The following RUNX1 variants were observed in gnomAD, a reference collection of about 807,000 sequenced individuals.
RUNX1 encodes RUNX family transcription factor 1, also known as runt-related transcription factor 1.
A neutral mutation model predicts 42.8 loss-of-function variants in RUNX1; 19 were observed. That is an observed-to-expected ratio of 0.44 (90% CI 0.31 to 0.65). The LOEUF (loss-of-function observed/expected upper bound fraction) is 0.65. Ranked by LOEUF, RUNX1 falls within the 30% of genes least tolerant of loss-of-function variation. The pLI is 0.07. For synonymous variants in RUNX1, 271 were observed against 289.4 expected (o/e 0.94, Z 0.64); for missense variants, 528 against 672.0 (o/e 0.79, Z 2.37).
chr21:34,813,187 G>C (rs574736340), intron 7 of RUNX1, among the ~76,000 whole-genome samples: 2 of 152,228 alleles, frequency 1.3e-5, no homozygotes, highest in South Asian at 4.1e-4. Flanking sequence ...CATCTAGTAC[G>C]TGGAGGCCAG....
rs745930927 is a variant in RUNX1, at chr21:34,892,976, A to G, written c.59-13T>C. 1 of 1,554,996 alleles carries G rather than the reference A, an allele frequency of 6.4e-7. No homozygotes were observed. The highest frequency in any genetic ancestry group is 1.1e-5 in the South Asian group (1 of 89,080). On this transcript the variant is annotated splice_polypyrimidine_tract_variant and intron_variant, in intron 2 of 8. Coordinates refer to ENST00000675419, the MANE Select transcript of RUNX1 (RefSeq NM_001754.5). Reference sequence around the variant, plus strand: ...CCAAGTATGCATTCTGAAATAACAGAAAGTAGGAAAATAAAAGTAATGCAA... The same window carrying G: ...CCAAGTATGCATTCTGAAATAACAGGAAGTAGGAAAATAAAAGTAATGCAA...
Position 34,888,489 on chromosome 21 carries a change from GAAGA to G in RUNX1, c.98-1397_98-1394del. On this transcript the variant is annotated intron_variant, in intron 3 of 8. Transcript: ENST00000675419. ...GCCAAGAAGCCAGTTAATTCAAAAG[GAAGA>G]AAGGGGAAAAACAAAAAAAAACAAC... The G allele has an allele frequency of 2.8e-6, 3 of 1,066,102 alleles. No homozygotes were observed. The African/African-American group carries it at 4.9e-5, about 17-fold the overall frequency. 66.0% of individuals were successfully genotyped at this position (1,066,102 alleles called of 1,614,324 possible).
intron 6 of RUNX1, among the ~76,000 whole-genome samples, chr21:34,836,692 C>A (rs1189085929): frequency 6.6e-6 from 1 of 152,202 alleles, no homozygotes; most frequent in Non-Finnish European, 1.5e-5. Flanking sequence ...GCAAAGGCTG[C>A]CGGCAGGTTT....
intron 2 of RUNX1, among the ~76,000 whole-genome samples, chr21:34,920,740 G>T (rs2058347471): frequency 6.6e-6 from 1 of 151,982 alleles, no homozygotes; most frequent in Non-Finnish European, 1.5e-5. Flanking sequence ...TACTCACTAA[G>T]AAAGTCCTTT....
intron 4 of RUNX1, among the ~76,000 whole-genome samples, chr21:34,885,442 C>T (rs2146396052): frequency 6.6e-6 from 1 of 152,270 alleles, no homozygotes; most frequent in East Asian, 1.9e-4. Context: ...AAGCAAGCCA[C>T]CACGTTCCTT....
At chr21:34,922,173 G>C (rs1402658180) in intron 2 of RUNX1, among the ~76,000 whole-genome samples, 1 of 152,114 alleles carries the variant, frequency 6.6e-6, no homozygotes, top group African/African-American at 2.4e-5. Context: ...TGTAAGTGGG[G>C]GGCTCGAGGC....
At chr21:34,980,572 T>G (rs2058839468) in intron 2 of RUNX1, among the ~76,000 whole-genome samples, 1 of 152,226 alleles carries the variant, frequency 6.6e-6, no homozygotes, top group Non-Finnish European at 1.5e-5. Flanking sequence ...AATCAGTTGT[T>G]TGGATTTTCA....
At position 34,788,385 on chromosome 21, in the gene RUNX1, T is replaced by C. The variant is rs2056394573; in HGVS notation, c.*3750A>G. 1.3e-5 allele frequency: 3 copies of C among 233,082 alleles called. No individual in the cohort carries two copies. Among genetic ancestry groups the C allele is most frequent in the African/African-American group, 2.2e-5 (1 of 45,310 alleles). The allele number at this position is 233,082 out of a possible 1,614,324, so 14.4% of individuals were successfully genotyped here. A position where few individuals can be genotyped will look rare whatever the true frequency, so the allele number is the denominator to read the frequency against. ...TCTTTTTTTGCACATTCATTTCCCC[T>C]AGAACAAAAAAAGTGAACTTAAAAA... is the stretch of plus-strand genomic sequence containing the variant. On this transcript the variant is annotated 3_prime_UTR_variant, in exon 9 of 9. Coordinates refer to ENST00000675419, the MANE Select transcript of RUNX1 (RefSeq NM_001754.5).
intron 8 of RUNX1, among the ~76,000 whole-genome samples, chr21:34,794,241 T>G (rs895529497): frequency 6.6e-6 from 1 of 152,160 alleles, no homozygotes; most frequent in Non-Finnish European, 1.5e-5. Context: ...TTAGGTTGAA[T>G]GATAGAAAAT....
In RUNX1 at chr21:35,048,832, A is replaced by G. The variant is rs773170644; in HGVS notation, c.58+10T>C. On this transcript the variant is annotated intron_variant, in intron 2 of 8. Coordinates refer to ENST00000675419, the MANE Select transcript of RUNX1 (RefSeq NM_001754.5). The stretch of plus-strand genomic sequence containing the variant: ...CAAAAGTAGATATTACAAGACCAGC[A>G]TGTACTCACCTCTCATGAAGCACTG... 1 of 1,609,306 alleles carries G rather than the reference A, an allele frequency of 6.2e-7. No homozygotes were observed.
intron 2 of RUNX1, among the ~76,000 whole-genome samples, chr21:34,911,140 A>C (rs2058268931): frequency 6.6e-6 from 1 of 152,190 alleles, no homozygotes; most frequent in Admixed American, 6.5e-5. Flanking sequence ...AGGACGAGCT[A>C]TCCCATTAGG....
At chr21:34,857,262 C>T (rs2057507522) in intron 6 of RUNX1, among the ~76,000 whole-genome samples, 1 of 152,166 alleles carries the variant, frequency 6.6e-6, no homozygotes, top group African/African-American at 2.4e-5. Context: ...GGGTGCTTCT[C>T]CATATAACAA....
intron 2 of RUNX1, among the ~76,000 whole-genome samples, chr21:35,023,534 G>A (rs1024963534): frequency 6.6e-6 from 1 of 152,196 alleles, no homozygotes; most frequent in African/African-American, 2.4e-5. Flanking sequence ...TCCCTAGCCG[G>A]GAGGCCAGAG....
chr21:34,880,718 A>G lies in RUNX1; in HGVS notation c.352-5T>C. The stretch of plus-strand genomic sequence containing the variant: ...AACATCCCCTAGGGCCACCACCTAA[A>G]CACCAGTCAAAGGACAAATGCAGAC... On this transcript the variant is annotated splice_region_variant and splice_polypyrimidine_tract_variant and intron_variant, in intron 4 of 8. Coordinates refer to ENST00000675419, the MANE Select transcript of RUNX1 (RefSeq NM_001754.5). The G allele has an allele frequency of 6.2e-7, 1 of 1,614,068 alleles. No homozygotes were observed. The highest frequency in any genetic ancestry group is 1.3e-5 in the African/African-American group (1 of 75,044).
In RUNX1 at chr21:34,832,216, G is replaced by A. The variant is rs1028666519; in HGVS notation, c.805+2194C>T. Among the ~76,000 whole-genome samples the A allele has an allele frequency of 3.9e-5, 6 of 152,290 alleles. No individual in the cohort carries two copies. In the South Asian group the frequency reaches 6.2e-4, roughly 16 times the overall value. ...GCATATAGGTCTCCAAAGAGCTGAC[G>A]AATGCCCATCACACGGTCCACAATA... is the stretch of plus-strand genomic sequence containing the variant. On this transcript the variant is annotated intron_variant, in intron 7 of 8. Coordinates refer to ENST00000675419, the MANE Select transcript of RUNX1 (RefSeq NM_001754.5).
chr21:34,859,702 TCCC>T, intron 5 of RUNX1, 124 bp from the exon 6 acceptor site: 1 of 853,844 alleles, frequency 1.2e-6, no homozygotes. Flanking sequence ...TTGACAACAC[TCCC>T]GGAATTTTGG....
At chr21:35,000,256 T>C (rs1264714277) in intron 2 of RUNX1, among the ~76,000 whole-genome samples, 28 of 148,172 alleles carry the variant, frequency 1.9e-4, no homozygotes, top group African/African-American at 6.7e-4. Flanking sequence ...TTTTTTTTTT[T>C]TTGAGACAGA....
chr21:34,825,893 A>G (rs73201053), intron 7 of RUNX1, among the ~76,000 whole-genome samples: 17,392 of 152,282 alleles, frequency 0.11, 1,294 homozygotes, highest in Middle Eastern at 0.25. Context: ...TTGGAATGAT[A>G]CAGTCTGATA....
intron 2 of RUNX1, among the ~76,000 whole-genome samples, chr21:34,962,912 A>G (rs1416895333): frequency 6.6e-6 from 1 of 152,234 alleles, no homozygotes; most frequent in Non-Finnish European, 1.5e-5. Context: ...TTGCCACCAC[A>G]TCACAGGCCT....
Sources: gnomAD v4.1 joint callset for allele counts (sites outside exome capture counted in the v4.1 genomes callset) on GRCh38, gnomAD v4.1.1 for gene constraint, MANE v1.5 for transcripts, NCBI Gene and HGNC (gene_info 2026-07-23, HGNC 2026-07-21) for gene names.